PPM1H: variants seen among roughly 807,000 people sequenced by gnomAD.
PPM1H encodes the protein protein phosphatase 1H.
Under a neutral mutation model 54.9 loss-of-function variants are expected in PPM1H, and 27 were observed. The ratio of observed to expected loss-of-function variants is 0.49; its 90% CI spans 0.36 to 0.68. The LOEUF (loss-of-function observed/expected upper bound fraction) is 0.68, where lower values mean the gene tolerates loss of function less well. PPM1H is among the 30% of genes least tolerant of loss of function. The pLI is 0.00. For missense variants in PPM1H, 596 were observed against 667.8 expected (o/e 0.89, Z 1.19); for synonymous variants, 305 against 270.8 (o/e 1.13, Z -1.24).
intron 1 of PPM1H, among the ~76,000 whole-genome samples, chr12:62,889,014 C>A (rs993282370): frequency 6.6e-6 from 1 of 152,152 alleles, no homozygotes; most frequent in Non-Finnish European, 1.5e-5. Context: ...AACTAAACTA[C>A]CTAGAATCCC....
At chr12:62,808,086 C>T (rs1459642067) in intron 2 of PPM1H, among the ~76,000 whole-genome samples, 1 of 152,214 alleles carries the variant, frequency 6.6e-6, no homozygotes, top group Non-Finnish European at 1.5e-5. Context: ...CCTGCCTTAG[C>T]CTCCAAAAGT....
In PPM1H at chr12:62,921,475, C is replaced by T. The variant is rs1177700212; in HGVS notation, c.245+13017G>A. On this transcript the variant is annotated intron_variant, in intron 1 of 9. Transcript: ENST00000228705. ...ATGCATCCAGCAAGGCTCCATTAGG[C>T]CTGGCTTGTGCAAGCCAGCAATGTA... Among the ~76,000 whole-genome samples the T allele has an allele frequency of 2.6e-5, 4 of 152,240 alleles. No individual in the cohort carries two copies. In the East Asian group the frequency reaches 7.7e-4, roughly 29 times the overall value.
chr12:62,716,049 C>T (rs2076232985), intron 6 of PPM1H, among the ~76,000 whole-genome samples: 1 of 152,138 alleles, frequency 6.6e-6, no homozygotes, highest in African/African-American at 2.4e-5. Context: ...AGAACCCCAA[C>T]AAAAAGTCAG....
At chr12:62,767,976 T>C (rs1018548260) in intron 4 of PPM1H, among the ~76,000 whole-genome samples, 2 of 152,204 alleles carry the variant, frequency 1.3e-5, no homozygotes, top group African/African-American at 2.4e-5. Flanking sequence ...CTACTCCAGT[T>C]TGGCCTCATC....
intron 8 of PPM1H, among the ~76,000 whole-genome samples, chr12:62,675,965 C>T (rs895911142): frequency 6.6e-6 from 1 of 152,218 alleles, no homozygotes; most frequent in Non-Finnish European, 1.5e-5. Flanking sequence ...CATAGCTGTT[C>T]AAGTGCAGAA....
chr12:62,737,215 A>AC (rs1465110733), intron 5 of PPM1H, among the ~76,000 whole-genome samples: 1 of 83,572 alleles, frequency 1.2e-5, no homozygotes, highest in African/African-American at 4.4e-5. Flanking sequence ...ATAAGAAGCC[A>AC]TTAAAAAAAA....
intron 1 of PPM1H, among the ~76,000 whole-genome samples, chr12:62,872,577 G>A (rs563062955): frequency 2.0e-5 from 3 of 152,230 alleles, no homozygotes; most frequent in African/African-American, 7.2e-5. Flanking sequence ...TCTCTATAAT[G>A]GATTTTATAT....
intron 2 of PPM1H, among the ~76,000 whole-genome samples, chr12:62,809,782 A>C (rs2076824254): frequency 6.6e-6 from 1 of 151,868 alleles, no homozygotes; most frequent in South Asian, 2.1e-4. Flanking sequence ...GTTACTATTC[A>C]CTCTTCAGCA....
chr12:62,863,173 A>C (rs1280286281), intron 1 of PPM1H, among the ~76,000 whole-genome samples: 2 of 150,502 alleles, frequency 1.3e-5, no homozygotes, highest in Non-Finnish European at 1.5e-5. Flanking sequence ...GGTGCGTGCC[A>C]CTACACCTGG....
chr12:62,652,018 C>G (rs2075819120), intron 9 of PPM1H, among the ~76,000 whole-genome samples: 1 of 152,150 alleles, frequency 6.6e-6, no homozygotes, highest in Non-Finnish European at 1.5e-5. Flanking sequence ...TTTGTAGGCC[C>G]TAACTAAGAC....
intron 7 of PPM1H, among the ~76,000 whole-genome samples, chr12:62,690,249 T>C (rs1361906292): frequency 1.3e-5 from 2 of 152,190 alleles, no homozygotes; most frequent in African/African-American, 4.8e-5. Flanking sequence ...ATATCCACTG[T>C]ACAAGTATTT....
chr12:62,928,102 T>G (rs1397875850), intron 1 of PPM1H, among the ~76,000 whole-genome samples: 1 of 152,168 alleles, frequency 6.6e-6, no homozygotes, highest in Non-Finnish European at 1.5e-5. Context: ...ATACATAAAG[T>G]GCTTAATAGA....
intron 4 of PPM1H, among the ~76,000 whole-genome samples, chr12:62,762,366 C>A (rs2076514405): frequency 6.6e-6 from 1 of 152,214 alleles, no homozygotes; most frequent in Non-Finnish European, 1.5e-5. Context: ...AGCCAAGGAG[C>A]AGCCCCATGC....
intron 3 of PPM1H, among the ~76,000 whole-genome samples, chr12:62,792,944 AGATT>A (rs1314784000): frequency 6.6e-6 from 1 of 152,230 alleles, no homozygotes; most frequent in Admixed American, 6.5e-5. Context: ...CTTTCAGATT[AGATT>A]AAGTTTTTAA....
At chr12:62,761,448 T>C (rs2120612221) in intron 4 of PPM1H, among the ~76,000 whole-genome samples, 1 of 152,344 alleles carries the variant, frequency 6.6e-6, no homozygotes, top group Non-Finnish European at 1.5e-5. Context: ...AGGCAATTTT[T>C]CTTTTTTGCC....
chr12:62,811,778 C>T (rs946503027), intron 2 of PPM1H, among the ~76,000 whole-genome samples: 11 of 152,258 alleles, frequency 7.2e-5, no homozygotes, highest in African/African-American at 2.2e-4. Context: ...CCCCTTCCAC[C>T]GTGATTGTAA....
At chr12:62,691,367 T>C (rs375858628) in intron 7 of PPM1H, among the ~76,000 whole-genome samples, 2 of 152,342 alleles carry the variant, frequency 1.3e-5, no homozygotes, top group South Asian at 4.1e-4. Flanking sequence ...AAATAAATGC[T>C]AAGAAACACT....
At chr12:62,863,622 T>C (rs1336163782) in intron 1 of PPM1H, among the ~76,000 whole-genome samples, 1 of 152,242 alleles carries the variant, frequency 6.6e-6, no homozygotes, top group Non-Finnish European at 1.5e-5. Context: ...TTTTTAAATT[T>C]GCTTGTTAAG....
intron 1 of PPM1H, among the ~76,000 whole-genome samples, chr12:62,876,221 A>G (rs1320623764): frequency 6.6e-6 from 1 of 152,236 alleles, no homozygotes; most frequent in East Asian, 1.9e-4. Flanking sequence ...GTACAAATAC[A>G]CGGAGAGCAG....
Sources: allele counts gnomAD v4.1 joint callset (sites outside exome capture counted in the v4.1 genomes callset), GRCh38; gene constraint gnomAD v4.1.1; transcripts MANE v1.5; gene names NCBI Gene and HGNC (gene_info 2026-07-23, HGNC 2026-07-21).